The following THNSL1 variants were observed in gnomAD, a reference collection of about 807,000 sequenced individuals.
THNSL1 encodes threonine synthase like 1, also known as threonine synthase-like 1.
THNSL1 carries 48 observed loss-of-function variants against 50.4 expected under a neutral mutation model. The observed-to-expected ratio is 0.95, with a 90% CI of 0.76 to 1.21. The LOEUF is 1.21. THNSL1 is among the 50% of genes most tolerant of loss of function. The pLI, the probability that THNSL1 is intolerant of heterozygous loss-of-function variation, is 0.00. For synonymous variants in THNSL1, 309 were observed against 306.1 expected, an observed-to-expected ratio of 1.01 and a Z score of -0.10; for missense variants, 896 against 871.7, an observed-to-expected ratio of 1.03 and a Z score of -0.35.
chr10:24,997,977 A>T, the THNSL1 span, among the ~76,000 whole-genome samples: 171 of 152,280 alleles, frequency 1.1e-3, no homozygotes, highest in Non-Finnish European at 2.0e-3. Flanking sequence ...GCTGGGTCAC[A>T]ACAGGCCAAG....
At chr10:24,964,899 C>A in the THNSL1 span, among the ~76,000 whole-genome samples, 1 of 152,052 alleles carries the variant, frequency 6.6e-6, no homozygotes, top group Non-Finnish European at 1.5e-5. Flanking sequence ...CCCTTCTCTA[C>A]TAAAAATCAA....
the THNSL1 span, among the ~76,000 whole-genome samples, chr10:24,985,888 C>A: frequency 1.1e-4 from 16 of 152,186 alleles, no homozygotes; most frequent in African/African-American, 3.9e-4. Context: ...GGCAACATGG[C>A]AAAACCCTGT....
the THNSL1 span, among the ~76,000 whole-genome samples, chr10:24,965,060 C>CAAAA: frequency 9.1e-5 from 11 of 120,518 alleles, no homozygotes; most frequent in African/African-American, 3.3e-4. Context: ...AATCCTATCT[C>CAAAA]AAAAAAAAAA....
chr10:24,962,166 C>T, the THNSL1 span, among the ~76,000 whole-genome samples: 13 of 152,286 alleles, frequency 8.5e-5, no homozygotes, highest in South Asian at 1.9e-3. Context: ...TGAGCTAACA[C>T]GCTCCCATGA....
At chr10:25,000,876 G>C in the THNSL1 span, among the ~76,000 whole-genome samples, 1 of 151,682 alleles carries the variant, frequency 6.6e-6, no homozygotes, top group Admixed American at 6.6e-5. Context: ...TGTTTGGTTT[G>C]GTTTTATGGA....
At chr10:25,016,218 A>G, upstream of THNSL1, 1 of 1,121,712 alleles carries the variant, frequency 8.9e-7, no homozygotes, top group Non-Finnish European at 1.1e-6. Context: ...ACCGCAAACT[A>G]GGTCTCCCCT....
the THNSL1 span, chr10:24,995,551 G>A: frequency 9.1e-7 from 1 of 1,096,676 alleles, no homozygotes; most frequent in Non-Finnish European, 1.3e-6. Flanking sequence ...TGTGTCCAAT[G>A]AGAGCACTAA....
chr10:25,012,199 T>C (rs1564343909), upstream of THNSL1, among the ~76,000 whole-genome samples: 1 of 152,048 alleles, frequency 6.6e-6, no homozygotes, highest in Admixed American at 6.5e-5. Flanking sequence ...TGTATCAAAA[T>C]GTCTGGATGT....
At chr10:25,009,371 C>T in the THNSL1 span, among the ~76,000 whole-genome samples, 1 of 151,948 alleles carries the variant, frequency 6.6e-6, no homozygotes, top group Non-Finnish European at 1.5e-5. Flanking sequence ...TGCATAAGGC[C>T]ATTTGGAGTT....
chr10:24,960,627 A>G, the THNSL1 span, among the ~76,000 whole-genome samples: 2 of 151,840 alleles, frequency 1.3e-5, no homozygotes, highest in Non-Finnish European at 2.9e-5. Context: ...GGGTTTTACC[A>G]TGTTGGCCAG....
At chr10:25,002,884 A>G in the THNSL1 span, among the ~76,000 whole-genome samples, 1 of 152,020 alleles carries the variant, frequency 6.6e-6, no homozygotes, top group African/African-American at 2.4e-5. Context: ...GGGCTGGCAG[A>G]TATGGTCTCG....
the THNSL1 span, among the ~76,000 whole-genome samples, chr10:25,003,004 C>T: frequency 6.6e-6 from 1 of 151,692 alleles, no homozygotes; most frequent in African/African-American, 2.4e-5. Context: ...GGTATATGAA[C>T]TGAAAGCCTG....
At chr10:24,985,974 G>A in the THNSL1 span, among the ~76,000 whole-genome samples, 6 of 152,120 alleles carry the variant, frequency 3.9e-5, no homozygotes, top group African/African-American at 7.2e-5. Context: ...AGGCTGAGGT[G>A]GGAGGATCAC....
At chr10:24,987,230 C>T in the THNSL1 span, among the ~76,000 whole-genome samples, 1 of 152,214 alleles carries the variant, frequency 6.6e-6, no homozygotes, top group Non-Finnish European at 1.5e-5. Flanking sequence ...GCTTCTTGTG[C>T]CTGCTGCCTT....
the THNSL1 span, among the ~76,000 whole-genome samples, chr10:24,995,069 C>T: frequency 1.3e-5 from 2 of 152,108 alleles, no homozygotes; most frequent in South Asian, 4.1e-4. Flanking sequence ...AAATTACACA[C>T]CTTTTCAGAT....
At position 25,023,480 on chromosome 10, in the gene THNSL1, T is replaced by C; in HGVS notation, c.257T>C (p.Val86Ala). Residue 86 changes from valine to alanine, a missense_variant, in exon 3 of 3, where the codon GTG becomes GCG. By Grantham distance (64) the Val-to-Ala change is moderately conservative (BLOSUM62 0). Transcript: ENST00000376356. ...AAACTAGGTTGTTGTGTCATAGATGTGGATGATGATATCCTTGAAAAAACC... is the reference window on the plus strand; with the variant it reads ...AAACTAGGTTGTTGTGTCATAGATGCGGATGATGATATCCTTGAAAAAACC... ...GQKLGCCVID[V>A]DDDILEKTWN... is the part of the protein sequence containing the mutation. 1 of 1,614,154 alleles carries C rather than the reference T, an allele frequency of 6.2e-7. No individual in the cohort carries two copies.
upstream of THNSL1, chr10:25,016,048 G>A: frequency 2.7e-6 from 4 of 1,459,690 alleles, no homozygotes; most frequent in Middle Eastern, 3.7e-4. Flanking sequence ...GCCTTCTGAA[G>A]GACCACAGGT....
the THNSL1 span, among the ~76,000 whole-genome samples, chr10:24,995,353 C>T: frequency 6.6e-6 from 1 of 152,040 alleles, no homozygotes; most frequent in Admixed American, 6.5e-5. Context: ...TTCCAACTAA[C>T]CAAAAATATC....
upstream of THNSL1, among the ~76,000 whole-genome samples, chr10:25,014,897 T>G (rs1850529999): frequency 1.3e-5 from 2 of 152,190 alleles, no homozygotes. Flanking sequence ...GACCATTAGA[T>G]CTAAAAGGGG....
Sources: gnomAD v4.1 joint callset for allele counts (sites outside exome capture counted in the v4.1 genomes callset) on GRCh38, gnomAD v4.1.1 for gene constraint, MANE v1.5 for transcripts, NCBI Gene and HGNC (gene_info 2026-07-23, HGNC 2026-07-21) for gene names.